PLEKHM3: variants seen among roughly 807,000 people sequenced by gnomAD.
PLEKHM3 encodes the protein pleckstrin homology domain containing M3, also known as pleckstrin homology domain-containing family M member 3.
In PLEKHM3, 45 loss-of-function variants were observed where a neutral mutation model predicts 81.8. That is an observed-to-expected ratio of 0.55 (90% confidence interval 0.43 to 0.71). PLEKHM3 has a LOEUF of 0.71. PLEKHM3 is among the 30% of genes least tolerant of loss of function. The probability of loss-of-function intolerance (pLI) is 0.00; values close to 1 mark genes in which losing one functional copy is unlikely to be tolerated. For missense variants in PLEKHM3, 788 were observed against 924.3 expected, an observed-to-expected ratio of 0.85 and a Z score of 1.91; for synonymous variants, 352 against 356.4, an observed-to-expected ratio of 0.99 and a Z score of 0.14.
At position 207,841,034 on chromosome 2, in the gene PLEKHM3, G is replaced by A. The variant is rs545642823; in HGVS notation, c.2109-12538C>T. ...GGGTTTCACCATGTTGGCCAGGCAGGTCTCAAACTCCTGACCTCAAGTGAT... is the reference window on the plus strand; with the variant it reads ...GGGTTTCACCATGTTGGCCAGGCAGATCTCAAACTCCTGACCTCAAGTGAT... On this transcript the variant is annotated intron_variant, in intron 7 of 7. Coordinates refer to ENST00000427836, the MANE Select transcript of PLEKHM3 (RefSeq NM_001080475.3). 4.0e-5 allele frequency among the ~76,000 whole-genome samples: 6 copies of A among 151,326 alleles called. 1 individual carries two copies. The South Asian group carries it at 1.3e-3, about 32-fold the overall frequency.
In PLEKHM3 at chr2:207,888,545, C is replaced by T. The variant is rs190428347; in HGVS notation, c.1950+19969G>A. Among the ~76,000 whole-genome samples the T allele has an allele frequency of 2.4e-3, 361 of 152,146 alleles. 1 individual carries two copies. The highest frequency in any genetic ancestry group is 8.4e-3 in the Admixed American group (129 of 15,284). On this transcript the variant is annotated intron_variant, in intron 6 of 7. Coordinates refer to ENST00000427836, the MANE Select transcript of PLEKHM3 (RefSeq NM_001080475.3). ...CCGAGTAGCTGGGATTACAGGCGCC[C>T]GCCACCAAACCAGGTAATTTTTGTA... is the stretch of plus-strand genomic sequence containing the variant.
intron 5 of PLEKHM3, 152 bp downstream of exon 5, chr2:207,930,774 G>A: frequency 1.2e-6 from 1 of 807,980 alleles, no homozygotes; most frequent in Non-Finnish European, 2.0e-6. Flanking sequence ...AAAAAGATGA[G>A]CCCAGAGAGA....
chr2:207,863,275 C>T (rs2092477572), intron 6 of PLEKHM3, among the ~76,000 whole-genome samples: 1 of 152,220 alleles, frequency 6.6e-6, no homozygotes, highest in South Asian at 2.1e-4. Context: ...CCCCCAGTGC[C>T]TACCCTGCCT....
At chr2:207,909,106 T>G (rs1279801625) in intron 5 of PLEKHM3, among the ~76,000 whole-genome samples, 2 of 152,182 alleles carry the variant, frequency 1.3e-5, no homozygotes, top group Non-Finnish European at 2.9e-5. Flanking sequence ...ATACTGAATA[T>G]CATATTAATG....
chr2:207,913,332 T>C (rs769094670), intron 5 of PLEKHM3, among the ~76,000 whole-genome samples: 3 of 151,954 alleles, frequency 2.0e-5, no homozygotes, highest in South Asian at 2.1e-4. Flanking sequence ...TGAGAAAAGA[T>C]TGCTTCCTGG....
chr2:207,964,892 T>C (rs1439659839), intron 3 of PLEKHM3, among the ~76,000 whole-genome samples: 1 of 152,240 alleles, frequency 6.6e-6, no homozygotes, highest in Non-Finnish European at 1.5e-5. Flanking sequence ...CCTCAATTTC[T>C]GGGACTGTGT....
intron 1 of PLEKHM3, among the ~76,000 whole-genome samples, chr2:208,013,284 G>A (rs919552878): frequency 2.6e-5 from 4 of 152,098 alleles, no homozygotes; most frequent in Non-Finnish European, 4.4e-5. Flanking sequence ...TTGGGAGGTC[G>A]AGGCAGGCAG....
In PLEKHM3 at chr2:207,842,457, TG is replaced by T. The variant is rs1407785762; in HGVS notation, c.2109-13962del. Among the ~76,000 whole-genome samples the T allele has an allele frequency of 3.3e-5, 5 of 152,230 alleles. No homozygotes were observed. The East Asian group carries it at 9.6e-4, about 29-fold the overall frequency. On this transcript the variant is annotated intron_variant, in intron 7 of 7. Transcript: ENST00000427836. ...TACATGTTTATAAAATTAGCAAACA[TG>T]GTTCAATTGTTTAATAATGTATAAA...
intron 4 of PLEKHM3, among the ~76,000 whole-genome samples, chr2:207,934,648 C>G (rs1385961786): frequency 6.6e-6 from 1 of 152,058 alleles, no homozygotes; most frequent in African/African-American, 2.4e-5. Context: ...AGGAAAGAGG[C>G]CTCCTCCCCT....
chr2:207,870,148 A>G (rs1456589832), intron 6 of PLEKHM3, among the ~76,000 whole-genome samples: 1 of 152,186 alleles, frequency 6.6e-6, no homozygotes, highest in African/African-American at 2.4e-5. Context: ...AAAGGGCACA[A>G]ATGATTCTTT....
chr2:207,953,871 A>G (rs1690419237), intron 3 of PLEKHM3, among the ~76,000 whole-genome samples: 1 of 152,076 alleles, frequency 6.6e-6, no homozygotes, highest in Non-Finnish European at 1.5e-5. Flanking sequence ...GAGAGCTGAC[A>G]TGTTAAAAAC....
At chr2:207,851,008 C>G (rs1457001447) in intron 7 of PLEKHM3, among the ~76,000 whole-genome samples, 1 of 152,058 alleles carries the variant, frequency 6.6e-6, no homozygotes, top group Non-Finnish European at 1.5e-5. Context: ...CAAAAATTAG[C>G]TGGGCGTCGT....
chr2:207,929,854 TC>T (rs1449272954), intron 5 of PLEKHM3: 2 of 669,094 alleles, frequency 3.0e-6, no homozygotes, highest in African/African-American at 3.6e-5. Flanking sequence ...CAAAACTCCA[TC>T]ACTTCAATAC....
At chr2:207,974,496 A>G (rs572332751) in intron 3 of PLEKHM3, among the ~76,000 whole-genome samples, 5 of 152,244 alleles carry the variant, frequency 3.3e-5, no homozygotes, top group African/African-American at 1.2e-4. Context: ...TTCTTGATTC[A>G]GCTACTCCAA....
intron 6 of PLEKHM3, among the ~76,000 whole-genome samples, chr2:207,898,888 C>A (rs1264348726): frequency 6.6e-6 from 1 of 151,922 alleles, no homozygotes; most frequent in African/African-American, 2.4e-5. Context: ...AGAGTAAGAA[C>A]CTGTCTCAAA....
chr2:208,007,677 G>A (rs1042589803), intron 1 of PLEKHM3, among the ~76,000 whole-genome samples: 1 of 152,176 alleles, frequency 6.6e-6, no homozygotes, highest in Non-Finnish European at 1.5e-5. Flanking sequence ...CAGCACTTTG[G>A]GAGGCTGAGG....
At chr2:207,880,141 T>C (rs1303295721) in intron 6 of PLEKHM3, among the ~76,000 whole-genome samples, 33 of 152,200 alleles carry the variant, frequency 2.2e-4, no homozygotes, top group Non-Finnish European at 7.4e-5. Flanking sequence ...GCATGGTGGC[T>C]CACACCTGCA....
At chr2:208,007,433 C>G (rs959598086) in intron 1 of PLEKHM3, among the ~76,000 whole-genome samples, 16 of 152,198 alleles carry the variant, frequency 1.1e-4, no homozygotes, top group African/African-American at 3.6e-4. Flanking sequence ...CCGCAAGCAG[C>G]TAGTAAGGAA....
chr2:207,911,583 G>A lies in PLEKHM3; in HGVS notation c.1887-3006C>T, dbSNP rs370547992. On this transcript the variant is annotated intron_variant, in intron 5 of 7. Transcript: ENST00000427836. ...AAAGGAAAACTAGGGCAGTCTTTCA[G>A]TGGGACTTAAAGGGAGCAGTGTATG... Among the ~76,000 whole-genome samples, 30 of 152,362 alleles carry A rather than the reference G, an allele frequency of 2.0e-4. No homozygotes were observed. In the East Asian group the frequency reaches 5.6e-3, roughly 28 times the overall value.
Sources: allele counts gnomAD v4.1 joint callset (sites outside exome capture counted in the v4.1 genomes callset), GRCh38; gene constraint gnomAD v4.1.1; transcripts MANE v1.5; gene names NCBI Gene and HGNC (gene_info 2026-07-23, HGNC 2026-07-21).